FOXP2: variants seen among roughly 807,000 people sequenced by gnomAD.
FOXP2 encodes the protein forkhead box protein P2.
FOXP2 carries 12 observed loss-of-function variants against 115.8 expected under a neutral mutation model. That is an observed-to-expected ratio of 0.10 (90% CI 0.07 to 0.17). The LOEUF is 0.17. Among genes scored for constraint, FOXP2 ranks in the 10% least tolerant of loss-of-function variants. The probability of loss-of-function intolerance (pLI) is 1.00; values close to 1 mark genes in which losing one functional copy is unlikely to be tolerated. For missense variants in FOXP2, 629 were observed against 843.5 expected, an observed-to-expected ratio of 0.75 and a Z score of 3.15; for synonymous variants, 328 against 297.7, an observed-to-expected ratio of 1.10 and a Z score of -1.05.
At chr7:114,099,683 G>A (rs779564642) in intron 1 of FOXP2, among the ~76,000 whole-genome samples, 11 of 152,168 alleles carry the variant, frequency 7.2e-5, no homozygotes, top group Non-Finnish European at 1.3e-4. Flanking sequence ...TTTCTGCGGA[G>A]CATTGGTTCC....
chr7:114,294,868 ATACATAC>A (rs1416343026), intron 2 of FOXP2, among the ~76,000 whole-genome samples: 265 of 150,458 alleles, frequency 1.8e-3, no homozygotes, highest in South Asian at 2.7e-3. Context: ...AAATAAATAC[ATACATAC>A]ATACATACAT....
chr7:114,505,410 G>A (rs1452786381), intron 2 of FOXP2, among the ~76,000 whole-genome samples: 1 of 151,192 alleles, frequency 6.6e-6, no homozygotes, highest in African/African-American at 2.4e-5. Context: ...AAAATGTCAG[G>A]CTTTTCATTA....
intron 2 of FOXP2, among the ~76,000 whole-genome samples, chr7:114,345,078 A>AT (rs941514001): frequency 6.6e-6 from 1 of 151,790 alleles, no homozygotes; most frequent in South Asian, 2.1e-4. Context: ...ATATAAAACA[A>AT]TTTTTTTATT....
At chr7:114,508,049 A>G (rs1308257253) in intron 2 of FOXP2, among the ~76,000 whole-genome samples, 1 of 152,062 alleles carries the variant, frequency 6.6e-6, no homozygotes. Flanking sequence ...TGCAAAAATG[A>G]ATAAATAGGA....
intron 4 of FOXP2, 92 bp downstream of exon 4, chr7:114,628,769 C>A: frequency 6.6e-7 from 1 of 1,515,410 alleles, no homozygotes; most frequent in Non-Finnish European, 9.1e-7. Flanking sequence ...ACAATTCAGT[C>A]TCCATTTGAA....
rs1585035063 is a variant in FOXP2 at position 114,692,160 on chromosome 7, G to A, written c.*2234G>A. 2.2e-6 allele frequency: 1 copy of A among 453,906 alleles called. No homozygotes were observed. The highest frequency in any genetic ancestry group is 4.4e-6 in the Non-Finnish European group (1 of 226,712). The allele number at this position is 453,906 out of a possible 1,614,324, so 28.1% of individuals were successfully genotyped here. A position where few individuals can be genotyped will look rare whatever the true frequency, so the allele number is the denominator to read the frequency against. The stretch of plus-strand genomic sequence containing the variant: ...AAGGATTATCTGAAAGGAAAAATGG[G>A]TCTTTCAGGTGCATGTTCAAAAGGC... On this transcript the variant is annotated 3_prime_UTR_variant, in exon 17 of 17. Transcript: ENST00000350908.
chr7:114,486,960 G>C (rs1231476313), intron 2 of FOXP2, among the ~76,000 whole-genome samples: 1 of 152,160 alleles, frequency 6.6e-6, no homozygotes, highest in African/African-American at 2.4e-5. Flanking sequence ...AGTGCAAACT[G>C]TCAGTGAATC....
chr7:114,675,437 G>A (rs1807701420), intron 16 of FOXP2, among the ~76,000 whole-genome samples: 1 of 152,086 alleles, frequency 6.6e-6, no homozygotes. Context: ...CTCAGGAAAA[G>A]ACATTTAAAT....
At chr7:114,607,061 T>C (rs1803369515) in intron 3 of FOXP2, among the ~76,000 whole-genome samples, 1 of 152,132 alleles carries the variant, frequency 6.6e-6, no homozygotes, top group African/African-American at 2.4e-5. Context: ...TGTGAATATG[T>C]CAGAAAGGAG....
intron 2 of FOXP2, among the ~76,000 whole-genome samples, chr7:114,390,449 A>G (rs1273888938): frequency 6.6e-6 from 1 of 152,160 alleles, no homozygotes; most frequent in Admixed American, 6.5e-5. Flanking sequence ...TATATTATAT[A>G]TTCTAAACTG....
intron 1 of FOXP2, among the ~76,000 whole-genome samples, chr7:114,287,748 A>T (rs1033078141): frequency 2.0e-5 from 3 of 152,112 alleles, no homozygotes; most frequent in Middle Eastern, 3.4e-3. Context: ...AGAGTGGGAA[A>T]CAAAATCTCC....
chr7:114,398,112 A>T (rs553426688), intron 2 of FOXP2, among the ~76,000 whole-genome samples: 3 of 152,186 alleles, frequency 2.0e-5, no homozygotes, highest in Non-Finnish European at 4.4e-5. Flanking sequence ...TAAAGTTAAC[A>T]TATAATAAAA....
intron 1 of FOXP2, among the ~76,000 whole-genome samples, chr7:114,180,566 A>G (rs1453238309): frequency 6.6e-6 from 1 of 151,976 alleles, no homozygotes; most frequent in East Asian, 1.9e-4. Context: ...ATCTAAATAC[A>G]TGTATAATTA....
intron 1 of FOXP2, among the ~76,000 whole-genome samples, chr7:114,421,387 A>G (rs2129202768): frequency 1.3e-5 from 2 of 151,816 alleles, no homozygotes; most frequent in Middle Eastern, 3.4e-3. Flanking sequence ...AAGATCTAAC[A>G]GTATTATCTT....
intron 1 of FOXP2, among the ~76,000 whole-genome samples, chr7:114,092,183 T>C (rs757530841): frequency 7.9e-5 from 12 of 152,146 alleles, no homozygotes; most frequent in African/African-American, 7.2e-5. Context: ...CTTTAATTTC[T>C]GTCATGAAAG....
intron 16 of FOXP2, among the ~76,000 whole-genome samples, chr7:114,680,203 G>C (rs1808011732): frequency 6.6e-6 from 1 of 152,152 alleles, no homozygotes; most frequent in Non-Finnish European, 1.5e-5. Flanking sequence ...AGCTGGCTAT[G>C]CCTTTTTAAA....
At chr7:114,441,511 TTTTAAATAAATAATCACAGC>T (rs1346701730) in intron 2 of FOXP2, among the ~76,000 whole-genome samples, 1 of 152,148 alleles carries the variant, frequency 6.6e-6, no homozygotes. Flanking sequence ...TCGTCAATGA[TTTTAAATAAATAATCACAGC>T]TTTAAATACA....
chr7:114,139,422 T>A (rs999635264), intron 1 of FOXP2, among the ~76,000 whole-genome samples: 1 of 152,016 alleles, frequency 6.6e-6, no homozygotes, highest in East Asian at 1.9e-4. Flanking sequence ...AAGGTTTCTT[T>A]TATATATATA....
chr7:114,177,661 TG>T (rs1445190806), intron 1 of FOXP2, among the ~76,000 whole-genome samples: 9 of 152,194 alleles, frequency 5.9e-5, no homozygotes, highest in South Asian at 2.1e-4. Flanking sequence ...AACATATTTT[TG>T]TTTTGTTTTT....
Sources: gnomAD v4.1 joint callset for allele counts (sites outside exome capture counted in the v4.1 genomes callset) on GRCh38, gnomAD v4.1.1 for gene constraint, MANE v1.5 for transcripts, NCBI Gene and HGNC (gene_info 2026-07-23, HGNC 2026-07-21) for gene names.